PTCHD1: variants seen among roughly 807,000 people sequenced by gnomAD.
PTCHD1 encodes patched domain-containing protein 1.
Under a neutral mutation model 34.6 loss-of-function variants are expected in PTCHD1, and 3 were observed. That is an observed-to-expected ratio of 0.09 (90% CI 0.04 to 0.22). The LOEUF (loss-of-function observed/expected upper bound fraction) is 0.22. Among genes scored for constraint, PTCHD1 ranks in the 10% least tolerant of loss-of-function variants. PTCHD1 has a pLI of 1.00. For missense variants in PTCHD1, 504 were observed against 685.5 expected, an observed-to-expected ratio of 0.74 and a Z score of 2.96; for synonymous variants, 305 against 283.1, an observed-to-expected ratio of 1.08 and a Z score of -0.77.
Position 23,398,403 on chromosome X carries a change from G to C in PTCHD1, c.*4218G>C, listed in dbSNP as rs973466854. On this transcript the variant is annotated 3_prime_UTR_variant, in exon 3 of 3. Transcript: ENST00000379361. ...ATAGTGGGGCCACTGTAAAGGGGCT[G>C]CAAGTCCTGGATGTTGGCATCATAC... 27 of 111,136 alleles carry C rather than the reference G, an allele frequency of 2.4e-4. No individual in the cohort carries two copies. Among genetic ancestry groups the C allele is most frequent in the African/African-American group, 7.9e-4 (24 of 30,508 alleles). 9.2% of individuals were successfully genotyped at this position (111,136 alleles called of 1,213,427 possible).
intron 1 of PTCHD1, among the ~76,000 whole-genome samples, chrX:23,358,923 G>A (rs1921891379): frequency 8.9e-6 from 1 of 112,207 alleles, no homozygotes; most frequent in African/African-American, 3.2e-5. Flanking sequence ...CACATTTCTT[G>A]TTCTTGTCCG....
chrX:23,403,255 G>A lies in PTCHD1; in HGVS notation c.*9070G>A, dbSNP rs1421831647. The A allele has an allele frequency of 8.9e-6, 1 of 112,164 alleles. No homozygotes were observed. The highest frequency in any genetic ancestry group is 2.8e-4 in the East Asian group (1 of 3,596). The allele number at this position is 112,164 out of a possible 1,213,427, so 9.2% of individuals were successfully genotyped here. A position where few individuals can be genotyped will look rare whatever the true frequency, so the allele number is the denominator to read the frequency against. On this transcript the variant is annotated 3_prime_UTR_variant, in exon 3 of 3. Coordinates refer to ENST00000379361, the MANE Select transcript of PTCHD1 (RefSeq NM_173495.3). ...CCCATAGTTAATGTTGTGTTTCCCA[G>A]TATTTTAGTTGGGTTTCTTCACACT... is the stretch of plus-strand genomic sequence containing the variant.
chrX:23,348,693 C>T (rs774551751), intron 1 of PTCHD1, among the ~76,000 whole-genome samples: 1 of 111,359 alleles, frequency 9.0e-6, no homozygotes, highest in Non-Finnish European at 1.9e-5. Context: ...CAATAGCCAG[C>T]AAAATTATGC....
upstream of PTCHD1, chrX:23,334,529 C>G (rs1298353812): frequency 9.2e-6 from 1 of 108,197 alleles, no homozygotes; most frequent in Non-Finnish European, 1.9e-5. Flanking sequence ...GGGACGCGGC[C>G]GCGCGGCGCG....
At chrX:23,369,627 G>A (rs987130295) in intron 1 of PTCHD1, among the ~76,000 whole-genome samples, 1 of 111,742 alleles carries the variant, frequency 8.9e-6, no homozygotes, top group African/African-American at 3.3e-5. Context: ...ATAGATTGTA[G>A]CATTCTTTGC....
intron 1 of PTCHD1, among the ~76,000 whole-genome samples, chrX:23,353,808 A>G (rs1921721004): frequency 8.9e-6 from 1 of 111,852 alleles, no homozygotes; most frequent in Non-Finnish European, 1.9e-5. Flanking sequence ...TGGAAAGCAA[A>G]AAAAGCTAAG....
intron 1 of PTCHD1, among the ~76,000 whole-genome samples, chrX:23,359,769 G>T (rs1327537721): frequency 2.7e-5 from 3 of 111,960 alleles, no homozygotes; most frequent in Non-Finnish European, 3.8e-5. Context: ...CATTCAGTAT[G>T]ATATTGGCTG....
intron 2 of PTCHD1, among the ~76,000 whole-genome samples, chrX:23,389,856 G>A (rs900613893): frequency 1.8e-5 from 2 of 111,744 alleles, no homozygotes; most frequent in Non-Finnish European, 1.9e-5. Flanking sequence ...ACTATAGAAG[G>A]ACAAGGCATT....
At position 23,394,415 on chromosome X, in the gene PTCHD1, C is replaced by CACATAG; in HGVS notation, c.*233_*234insTAGACA. On this transcript the variant is annotated 3_prime_UTR_variant, in exon 3 of 3. Coordinates refer to ENST00000379361, the MANE Select transcript of PTCHD1 (RefSeq NM_173495.3). ...GAGAATTCACACACACATAGACACACACACACACACACACACACACACACA... is the reference window on the plus strand; with the variant it reads ...GAGAATTCACACACACATAGACACACACATAGACACACACACACACACACACACACA... The CACATAG allele has an allele frequency of 3.8e-6, 1 of 265,048 alleles. No homozygotes were observed. Among genetic ancestry groups the CACATAG allele is most frequent in the East Asian group, 7.8e-5 (1 of 12,854 alleles). The allele number at this position is 265,048 out of a possible 1,213,427, so 21.8% of individuals were successfully genotyped here. A position where few individuals can be genotyped will look rare whatever the true frequency, so the allele number is the denominator to read the frequency against.
chrX:23,379,460 T>C, intron 1 of PTCHD1, 131 bp from the exon 2 acceptor site: 1 of 655,275 alleles, frequency 1.5e-6, no homozygotes, highest in Non-Finnish European at 2.3e-6. Flanking sequence ...ACATTCCTAC[T>C]ACCTATTTCT....
chrX:23,385,146 G>A (rs1187835678), intron 2 of PTCHD1, among the ~76,000 whole-genome samples: 1 of 111,047 alleles, frequency 9.0e-6, no homozygotes, highest in Non-Finnish European at 1.9e-5. Flanking sequence ...ATCGTTTTTT[G>A]TAATGGTCCA....
At chrX:23,387,387 T>C (rs1463265218) in intron 2 of PTCHD1, among the ~76,000 whole-genome samples, 1 of 111,330 alleles carries the variant, frequency 9.0e-6, no homozygotes, top group Non-Finnish European at 1.9e-5. Flanking sequence ...GATTAGCCAG[T>C]TGAATTTTTT....
chrX:23,359,633 C>A (rs1176617235), intron 1 of PTCHD1, among the ~76,000 whole-genome samples: 1 of 111,798 alleles, frequency 8.9e-6, no homozygotes, highest in Non-Finnish European at 1.9e-5. Context: ...AATTGAATAC[C>A]CTTTATTTCT....
chrX:23,344,915 T>C (rs1053670265), intron 1 of PTCHD1, among the ~76,000 whole-genome samples: 3 of 111,972 alleles, frequency 2.7e-5, no homozygotes, highest in Non-Finnish European at 5.6e-5. Context: ...TCTCCTCTCT[T>C]ACTGAATTTA....
At chrX:23,344,622 C>T (rs1921427582) in intron 1 of PTCHD1, among the ~76,000 whole-genome samples, 1 of 111,672 alleles carries the variant, frequency 9.0e-6, no homozygotes, top group Non-Finnish European at 1.9e-5. Context: ...CATGCAGCTC[C>T]TCTACCTGCA....
At chrX:23,366,473 C>A (rs1409269234) in intron 1 of PTCHD1, among the ~76,000 whole-genome samples, 3 of 112,023 alleles carry the variant, frequency 2.7e-5, no homozygotes, top group Non-Finnish European at 5.6e-5. Flanking sequence ...CCCCTGACAT[C>A]CTTTTTGTGC....
chrX:23,379,486 C>A (rs1922497648), intron 1 of PTCHD1, 105 bp from the exon 2 acceptor site: 2 of 840,318 alleles, frequency 2.4e-6, no homozygotes, highest in Non-Finnish European at 3.4e-6. Context: ...AGGTTTATAA[C>A]ATTTGATTTG....
chrX:23,388,858 A>T (rs1407192417), intron 2 of PTCHD1, among the ~76,000 whole-genome samples: 10 of 110,760 alleles, frequency 9.0e-5, no homozygotes, highest in African/African-American at 3.3e-4. Context: ...ATGAATGATG[A>T]TGATGCTAAA....
rs34539351 is a variant in PTCHD1 at position 23,394,409 on chromosome X, GACACACACACACACAC to G, written c.*251_*266del. 2.6e-3 allele frequency: 519 copies of G among 200,323 alleles called. 4 individuals are homozygous for G. Among genetic ancestry groups the G allele is most frequent in the African/African-American group, 0.016 (429 of 27,333 alleles). The allele number at this position is 200,323 out of a possible 1,213,427, so 16.5% of individuals were successfully genotyped here. On this transcript the variant is annotated 3_prime_UTR_variant, in exon 3 of 3. Transcript: ENST00000379361. ...TGTTATGAGAATTCACACACACATA[GACACACACACACACAC>G]ACACACACACACACACACACACACA... is the stretch of plus-strand genomic sequence containing the variant.
Sources: allele counts gnomAD v4.1 joint callset (sites outside exome capture counted in the v4.1 genomes callset), GRCh38; gene constraint gnomAD v4.1.1; transcripts MANE v1.5; gene names NCBI Gene and HGNC (gene_info 2026-07-23, HGNC 2026-07-21).